HDX: variants seen among roughly 807,000 people sequenced by gnomAD.
The protein encoded by HDX is highly divergent homeobox.
HDX carries 19 observed loss-of-function variants against 45.2 expected under a neutral mutation model. The observed-to-expected ratio is 0.42, with a 90% CI of 0.29 to 0.62. The LOEUF is 0.62. Ranked by LOEUF, HDX falls within the 20% of genes least tolerant of loss-of-function variation. The pLI is 0.20. For synonymous variants in HDX, 188 were observed against 172.8 expected (o/e 1.09, Z -0.69); for missense variants, 532 against 493.9 (o/e 1.08, Z -0.73).
rs2040418644 is a variant in HDX, at chrX:84,469,583, G to A, written c.148-8C>T. 4.4e-6 allele frequency: 5 copies of A among 1,132,916 alleles called. No individual in the cohort carries two copies. The highest frequency in any genetic ancestry group is 5.8e-6 in the Non-Finnish European group (5 of 856,625). The allele number at this position is 1,132,916 out of a possible 1,213,427, so 93.4% of individuals were successfully genotyped here. On this transcript the variant is annotated splice_region_variant and splice_polypyrimidine_tract_variant and intron_variant, in intron 3 of 10. Transcript: ENST00000373177. Reference sequence around the variant, plus strand: ...CTTATTGCCAACCCACGTCTGGAAGGATAAAACATGGTATTATGAAAAAAA... The same window carrying A: ...CTTATTGCCAACCCACGTCTGGAAGAATAAAACATGGTATTATGAAAAAAA...
At chrX:84,382,570 T>C (rs1228157277) in intron 5 of HDX, among the ~76,000 whole-genome samples, 1 of 111,833 alleles carries the variant, frequency 8.9e-6, no homozygotes, top group Non-Finnish European at 1.9e-5. Flanking sequence ...GAGTTCATTA[T>C]GTCAAGTGAA....
intron 5 of HDX, among the ~76,000 whole-genome samples, chrX:84,365,860 A>G (rs1002604224): frequency 4.5e-5 from 5 of 111,656 alleles, no homozygotes; most frequent in African/African-American, 1.6e-4. Flanking sequence ...ATTTATGACA[A>G]ACTCACAGTC....
At chrX:84,326,355 C>T in intron 9 of HDX, 55 bp from the exon 10 acceptor site, 1 of 890,628 alleles carries the variant, frequency 1.1e-6, no homozygotes, top group Non-Finnish European at 1.6e-6. Context: ...CAGGACTATA[C>T]ATGTTTGATG....
intron 5 of HDX, among the ~76,000 whole-genome samples, chrX:84,374,382 T>C (rs1178136277): frequency 1.1e-3 from 123 of 109,705 alleles, no homozygotes; most frequent in African/African-American, 4.1e-3. Flanking sequence ...CTACCAATGA[T>C]CTTCTTCACA....
At chrX:84,442,772 A>G (rs1259098148) in intron 4 of HDX, among the ~76,000 whole-genome samples, 3 of 111,405 alleles carry the variant, frequency 2.7e-5, no homozygotes, top group Non-Finnish European at 5.7e-5. Context: ...ATTCTTTTCC[A>G]TTAGTAAAAT....
intron 5 of HDX, among the ~76,000 whole-genome samples, chrX:84,406,101 C>T (rs2038813553): frequency 9.0e-6 from 1 of 110,514 alleles, no homozygotes; most frequent in Non-Finnish European, 1.9e-5. Context: ...AACGTACTGT[C>T]CAAATAACCC....
At chrX:84,322,258 T>G (rs1039296801) in intron 10 of HDX, among the ~76,000 whole-genome samples, 88 of 110,667 alleles carry the variant, frequency 8.0e-4, no homozygotes, top group Non-Finnish European at 1.2e-3. Flanking sequence ...AAGGGGATAT[T>G]AGGAGGGAAA....
rs2036578048 is a variant in HDX, at chrX:84,320,615, G to T, written c.*1274C>A. The T allele has an allele frequency of 9.0e-6, 1 of 110,971 alleles. No individual in the cohort carries two copies. Among genetic ancestry groups the T allele is most frequent in the South Asian group, 3.7e-4 (1 of 2,705 alleles). The allele number at this position is 110,971 out of a possible 1,213,427, so 9.1% of individuals were successfully genotyped here. Reference sequence around the variant, plus strand: ...TCCAGCTACTTCATTAATCTTTTAGGTATAGATAGTAATTTAACCATGCAA... The same window carrying T: ...TCCAGCTACTTCATTAATCTTTTAGTTATAGATAGTAATTTAACCATGCAA... On this transcript the variant is annotated 3_prime_UTR_variant, in exon 11 of 11. Coordinates refer to ENST00000373177, the MANE Select transcript of HDX (RefSeq NM_001177479.2).
intron 5 of HDX, among the ~76,000 whole-genome samples, chrX:84,410,657 T>G (rs2038961849): frequency 9.0e-6 from 1 of 111,636 alleles, no homozygotes; most frequent in African/African-American, 3.3e-5. Flanking sequence ...CACATTTTGT[T>G]GTGAGGATAA....
chrX:84,340,027 T>A (rs1250139428), intron 7 of HDX, among the ~76,000 whole-genome samples: 1 of 111,168 alleles, frequency 9.0e-6, no homozygotes, highest in Non-Finnish European at 1.9e-5. Flanking sequence ...TATTTGTTTT[T>A]GTTTTTGTTT....
At chrX:84,351,052 TATC>T (rs1212029813) in intron 6 of HDX, among the ~76,000 whole-genome samples, 1 of 106,926 alleles carries the variant, frequency 9.4e-6, no homozygotes, top group Non-Finnish European at 1.9e-5. Context: ...TCTATCTATC[TATC>T]ATCTATCTAT....
In HDX at chrX:84,344,168, G is replaced by T. The variant is rs2037147101; in HGVS notation, c.1660+82C>A. 19 of 757,201 alleles carry T rather than the reference G, an allele frequency of 2.5e-5. No individual in the cohort carries two copies. The East Asian group carries it at 5.8e-4, about 23-fold the overall frequency. The allele number at this position is 757,201 out of a possible 1,213,427, so 62.4% of individuals were successfully genotyped here. On this transcript the variant is annotated intron_variant, in intron 7 of 10. Coordinates refer to ENST00000373177, the MANE Select transcript of HDX (RefSeq NM_001177479.2). ...CAAATGTTTTGAAGACTCTAGACTT[G>T]AAATGCAGTAAACTGAAAATCAAGT...
intron 5 of HDX, among the ~76,000 whole-genome samples, chrX:84,388,316 G>A (rs772683428): frequency 1.8e-5 from 2 of 110,578 alleles, no homozygotes; most frequent in African/African-American, 6.6e-5. Context: ...TCTAGACATG[G>A]TTTTATGTAT....
At chrX:84,384,721 G>A (rs778596530) in intron 5 of HDX, among the ~76,000 whole-genome samples, 7 of 110,720 alleles carry the variant, frequency 6.3e-5, no homozygotes, top group Non-Finnish European at 1.3e-4. Flanking sequence ...AAAGATAAGG[G>A]TCTAATTTCA....
At chrX:84,337,005 G>A (rs764077026) in intron 7 of HDX, 125 bp from the exon 8 acceptor site, 14 of 459,969 alleles carry the variant, frequency 3.0e-5, no homozygotes, top group Admixed American at 1.7e-4. Context: ...CATTTCACAC[G>A]TTTGATGAGC....
intron 6 of HDX, among the ~76,000 whole-genome samples, chrX:84,360,535 C>G (rs1429360171): frequency 9.0e-6 from 1 of 111,410 alleles, no homozygotes; most frequent in Non-Finnish European, 1.9e-5. Context: ...TTTCATCATG[C>G]CAAAAATAAA....
chrX:84,492,217 A>C (rs2040905746), intron 1 of HDX, among the ~76,000 whole-genome samples: 1 of 111,257 alleles, frequency 9.0e-6, no homozygotes, highest in South Asian at 3.8e-4. Flanking sequence ...CCCTTCTCTC[A>C]AGAATCATGG....
At chrX:84,460,075 C>A (rs5923008) in intron 4 of HDX, among the ~76,000 whole-genome samples, 46,222 of 110,230 alleles carry the variant, frequency 0.42, 8,003 homozygotes, top group Middle Eastern at 0.62. Flanking sequence ...AAGCAAGGGA[C>A]CTTATCTCTT....
chrX:84,364,251 T>C (rs950980214), intron 5 of HDX, among the ~76,000 whole-genome samples: 2 of 110,657 alleles, frequency 1.8e-5, no homozygotes, highest in Non-Finnish European at 3.8e-5. Flanking sequence ...CACTGCCCTT[T>C]TGAGTGCAGT....
Sources: gnomAD v4.1 joint callset for allele counts (sites outside exome capture counted in the v4.1 genomes callset) on GRCh38, gnomAD v4.1.1 for gene constraint, MANE v1.5 for transcripts, NCBI Gene and HGNC (gene_info 2026-07-23, HGNC 2026-07-21) for gene names.